CD96: variants seen among roughly 807,000 people sequenced by gnomAD.
CD96 encodes CD96 molecule, also known as T-cell surface protein tactile.
CD96 carries 70 observed loss-of-function variants against 71.3 expected under a neutral mutation model. The ratio of observed to expected loss-of-function variants is 0.98; its 90% CI spans 0.81 to 1.20. The LOEUF (loss-of-function observed/expected upper bound fraction) is 1.20, where lower values mean the gene tolerates loss of function less well. Ranked by LOEUF, CD96 falls within the 50% of genes most tolerant of loss-of-function variation. The probability of loss-of-function intolerance (pLI) is 0.00; values close to 1 mark genes in which losing one functional copy is unlikely to be tolerated. For missense variants in CD96, 742 were observed against 677.5 expected (o/e 1.10, Z -1.06); for synonymous variants, 248 against 233.0 (o/e 1.06, Z -0.59).
intron 8 of CD96, among the ~76,000 whole-genome samples, chr3:111,621,209 C>A (rs1018009775): frequency 1.3e-5 from 2 of 152,154 alleles, no homozygotes; most frequent in Non-Finnish European, 2.9e-5. Context: ...ATATTAAGTT[C>A]TTTGATGTTT....
At chr3:111,604,560 T>C (rs940320962) in intron 7 of CD96, among the ~76,000 whole-genome samples, 2 of 152,196 alleles carry the variant, frequency 1.3e-5, no homozygotes, top group Non-Finnish European at 2.9e-5. Context: ...AAAGTGTTCA[T>C]CTCAAAATGC....
At chr3:111,606,450 A>G (rs1339333820) in intron 7 of CD96, among the ~76,000 whole-genome samples, 1 of 152,024 alleles carries the variant, frequency 6.6e-6, no homozygotes, top group Non-Finnish European at 1.5e-5. Context: ...GTGGCCACCT[A>G]TGCTTTCCAC....
At chr3:111,639,703 A>G (rs1240454658) in intron 12 of CD96, among the ~76,000 whole-genome samples, 1 of 152,176 alleles carries the variant, frequency 6.6e-6, no homozygotes, top group African/African-American at 2.4e-5. Context: ...AAACCACCAA[A>G]GGTAAGGACC....
At chr3:111,542,394 T>A in intron 1 of CD96, 85 bp downstream of exon 1, 1 of 470,718 alleles carries the variant, frequency 2.1e-6, no homozygotes. Flanking sequence ...GCCTTGTGAC[T>A]GCTGCTGAAA....
intron 2 of CD96, among the ~76,000 whole-genome samples, chr3:111,565,481 A>G (rs1411854683): frequency 6.6e-6 from 1 of 152,116 alleles, no homozygotes; most frequent in East Asian, 1.9e-4. Context: ...AAATATAACT[A>G]ACATATTTGG....
chr3:111,606,244 G>A (rs543185989), intron 7 of CD96, among the ~76,000 whole-genome samples: 2 of 152,154 alleles, frequency 1.3e-5, no homozygotes, highest in Admixed American at 1.3e-4. Context: ...TTGGGTAGTT[G>A]TATCATTGTT....
chr3:111,571,928 T>G (rs1436168298), intron 3 of CD96, among the ~76,000 whole-genome samples: 1 of 152,110 alleles, frequency 6.6e-6, no homozygotes, highest in Admixed American at 6.5e-5. Flanking sequence ...TGCCTGACAG[T>G]TCATAAACCA....
intron 2 of CD96, among the ~76,000 whole-genome samples, chr3:111,561,581 T>C (rs1197605101): frequency 1.7e-3 from 255 of 145,950 alleles, no homozygotes; most frequent in African/African-American, 5.0e-3. Context: ...GATCTCCAGC[T>C]GCGTGCTGGG....
intron 11 of CD96, 83 bp from the exon 12 acceptor site, chr3:111,637,996 A>G: frequency 2.4e-6 from 2 of 825,998 alleles, no homozygotes; most frequent in Admixed American, 3.4e-5. Context: ...GTTCTTTCAA[A>G]TAACATATGA....
chr3:111,603,048 G>A (rs925395261), intron 7 of CD96, among the ~76,000 whole-genome samples: 1 of 152,092 alleles, frequency 6.6e-6, no homozygotes, highest in Admixed American at 6.5e-5. Flanking sequence ...TGGGATTAGG[G>A]TTAGGGTGAT....
At chr3:111,621,109 T>G (rs1938500361) in intron 8 of CD96, among the ~76,000 whole-genome samples, 1 of 152,214 alleles carries the variant, frequency 6.6e-6, no homozygotes, top group Non-Finnish European at 1.5e-5. Flanking sequence ...AAGTGTCTGT[T>G]GCTTGCAGGT....
At chr3:111,638,696 C>G (rs1365106073) in intron 12 of CD96, among the ~76,000 whole-genome samples, 1 of 152,168 alleles carries the variant, frequency 6.6e-6, no homozygotes, top group Non-Finnish European at 1.5e-5. Flanking sequence ...TGTAAGTTCA[C>G]AGGCATAATC....
intron 1 of CD96, among the ~76,000 whole-genome samples, chr3:111,543,131 A>G (rs1282848408): frequency 1.3e-5 from 2 of 152,242 alleles, no homozygotes; most frequent in Non-Finnish European, 2.9e-5. Flanking sequence ...TTGCATCCAC[A>G]GAAGTATGAT....
At chr3:111,624,261 C>A in intron 9 of CD96, 72 bp from the exon 10 acceptor site, 3 of 983,580 alleles carry the variant, frequency 3.1e-6, no homozygotes, top group Non-Finnish European at 4.9e-6. Flanking sequence ...ATTAAAAATT[C>A]TGTGCATCAA....
intron 14 of CD96, among the ~76,000 whole-genome samples, chr3:111,662,297 G>T (rs1940377776): frequency 6.6e-6 from 1 of 152,198 alleles, no homozygotes; most frequent in African/African-American, 2.4e-5. Context: ...GTGATGAAAG[G>T]TGCTGCTGTG....
intron 4 of CD96, chr3:111,579,556 CTAAGT>C: frequency 2.7e-6 from 1 of 370,574 alleles, no homozygotes; most frequent in East Asian, 6.3e-5. Context: ...GTTATGGAGG[CTAAGT>C]CCAAGGTCGA....
intron 12 of CD96, among the ~76,000 whole-genome samples, chr3:111,646,588 A>G (rs1392757244): frequency 1.3e-5 from 2 of 152,076 alleles, no homozygotes; most frequent in African/African-American, 4.8e-5. Flanking sequence ...GATGTGGAGA[A>G]AAGGGAATGC....
intron 3 of CD96, chr3:111,570,654 G>A: frequency 6.2e-7 from 1 of 1,608,634 alleles, no homozygotes; most frequent in Non-Finnish European, 8.5e-7. Flanking sequence ...CATGGCCCGG[G>A]ACATGACAAA....
intron 12 of CD96, among the ~76,000 whole-genome samples, chr3:111,641,420 A>G (rs1939585152): frequency 6.6e-6 from 1 of 152,224 alleles, no homozygotes; most frequent in Non-Finnish European, 1.5e-5. Context: ...ATATAATGGT[A>G]AAAGGCCTTG....
Sources: gnomAD v4.1 joint callset for allele counts (sites outside exome capture counted in the v4.1 genomes callset) on GRCh38, gnomAD v4.1.1 for gene constraint, MANE v1.5 for transcripts, NCBI Gene and HGNC (gene_info 2026-07-23, HGNC 2026-07-21) for gene names.